Variants in SEMA6D observed in about 807,000 individuals in gnomAD.
SEMA6D encodes the protein semaphorin-6D.
Under a neutral mutation model 106.6 loss-of-function variants are expected in SEMA6D, and 35 were observed. The observed-to-expected ratio is 0.33, with a 90% CI of 0.25 to 0.44. The LOEUF (loss-of-function observed/expected upper bound fraction) is 0.44. Ranked by LOEUF, SEMA6D falls within the 20% of genes least tolerant of loss-of-function variation. The pLI, the probability that SEMA6D is intolerant of heterozygous loss-of-function variation, is 1.00. For synonymous variants in SEMA6D, 499 were observed against 487.7 expected, an observed-to-expected ratio of 1.02 and a Z score of -0.31; for missense variants, 1,185 against 1,345.9, an observed-to-expected ratio of 0.88 and a Z score of 1.87.
intron 1 of SEMA6D, among the ~76,000 whole-genome samples, chr15:47,289,393 C>CA (rs746946975): frequency 0.089 from 4,048 of 45,582 alleles, 323 homozygotes; most frequent in East Asian, 0.52. Context: ...AACTCCATCT[C>CA]AAAAAAAAAA....
chr15:47,688,965 G>A (rs561161345), intron 4 of SEMA6D, among the ~76,000 whole-genome samples: 1 of 152,320 alleles, frequency 6.6e-6, no homozygotes, highest in East Asian at 1.9e-4. Flanking sequence ...CAAAGACAGT[G>A]TAAACCAATT....
intron 1 of SEMA6D, among the ~76,000 whole-genome samples, chr15:47,749,601 G>T (rs1019590443): frequency 6.6e-6 from 1 of 152,172 alleles, no homozygotes; most frequent in African/African-American, 2.4e-5. Flanking sequence ...CCTATGCTCC[G>T]CAGGAAATTC....
intron 3 of SEMA6D, among the ~76,000 whole-genome samples, chr15:47,568,491 A>G (rs996295488): frequency 6.6e-6 from 1 of 152,198 alleles, no homozygotes; most frequent in African/African-American, 2.4e-5. Flanking sequence ...ACCTGGGCCC[A>G]TTACATTACA....
intron 3 of SEMA6D, among the ~76,000 whole-genome samples, chr15:47,472,642 A>T (rs1299033359): frequency 1.3e-5 from 2 of 152,180 alleles, no homozygotes; most frequent in African/African-American, 4.8e-5. Flanking sequence ...GCTTTAGAAG[A>T]AATCAATAAC....
intron 1 of SEMA6D, among the ~76,000 whole-genome samples, chr15:47,205,662 G>A (rs1895009851): frequency 6.6e-6 from 1 of 152,052 alleles, no homozygotes; most frequent in Admixed American, 6.6e-5. Flanking sequence ...CCTTTAGAAA[G>A]CCACAGATAT....
At position 47,771,003 on chromosome 15, in the gene SEMA6D, C is replaced by T; in HGVS notation, c.2440C>T (p.Pro814Ser). Residue 814 changes from proline (P) to serine (S), a missense_variant, in exon 19 of 19, where the codon CCA (proline) becomes TCA (serine). By Grantham distance (74) the Pro-to-Ser change is moderately conservative. Transcript: ENST00000536845. ...ETPQFFPSSPPPHSPLSHGHI... is the reference protein window; with the variant it reads ...ETPQFFPSSPSPHSPLSHGHI... Reference sequence around the variant, plus strand: ...CCCTCAGTTTTTTCCGTCTAGTCCGCCACCTCATTCCCCATTAAGTCATGG... The same window carrying T: ...CCCTCAGTTTTTTCCGTCTAGTCCGTCACCTCATTCCCCATTAAGTCATGG... The T allele has an allele frequency of 6.2e-7, 1 of 1,614,118 alleles. No individual in the cohort carries two copies. Among genetic ancestry groups the T allele is most frequent in the Non-Finnish European group, 8.5e-7 (1 of 1,180,002 alleles).
chr15:47,603,729 C>G (rs1401027334), intron 4 of SEMA6D, among the ~76,000 whole-genome samples: 1 of 151,968 alleles, frequency 6.6e-6, no homozygotes, highest in Non-Finnish European at 1.5e-5. Context: ...TCCCCCTCGC[C>G]CCGATTATTT....
chr15:47,646,675 C>T (rs1415333265), intron 4 of SEMA6D, among the ~76,000 whole-genome samples: 1 of 152,056 alleles, frequency 6.6e-6, no homozygotes, highest in East Asian at 1.9e-4. Flanking sequence ...TTCACTTTCT[C>T]GGAATATGAT....
At chr15:47,218,620 T>C (rs1458626387) in intron 1 of SEMA6D, among the ~76,000 whole-genome samples, 3 of 152,210 alleles carry the variant, frequency 2.0e-5, no homozygotes, top group Non-Finnish European at 2.9e-5. Context: ...GTGATTGAGC[T>C]CTTGATAAAA....
At chr15:47,411,769 T>G (rs1482144514) in intron 1 of SEMA6D, among the ~76,000 whole-genome samples, 1 of 152,190 alleles carries the variant, frequency 6.6e-6, no homozygotes, top group Non-Finnish European at 1.5e-5. Context: ...CTTCTGTGTC[T>G]GTGTGGCCAC....
intron 1 of SEMA6D, among the ~76,000 whole-genome samples, chr15:47,301,822 T>G (rs1566983151): frequency 6.6e-6 from 1 of 152,162 alleles, no homozygotes; most frequent in East Asian, 1.9e-4. Context: ...TTTGGGTGGA[T>G]TTAATTTGCA....
At chr15:47,623,654 GAC>G (rs1400684300) in intron 4 of SEMA6D, among the ~76,000 whole-genome samples, 1 of 152,156 alleles carries the variant, frequency 6.6e-6, no homozygotes, top group Non-Finnish European at 1.5e-5. Flanking sequence ...TGGTAGCCAT[GAC>G]AGACATGGGA....
intron 4 of SEMA6D, chr15:47,603,524 C>T (rs1339426594): frequency 6.6e-6 from 1 of 152,102 alleles, no homozygotes; most frequent in Non-Finnish European, 1.5e-5. Context: ...CTCAACAAGT[C>T]GCCAAAGCTA....
intron 3 of SEMA6D, among the ~76,000 whole-genome samples, chr15:47,471,676 C>A (rs933677055): frequency 6.6e-6 from 1 of 152,028 alleles, no homozygotes; most frequent in Non-Finnish European, 1.5e-5. Context: ...AGCCCATATT[C>A]CTTGGTATTT....
intron 3 of SEMA6D, among the ~76,000 whole-genome samples, chr15:47,596,631 A>G (rs1235270009): frequency 2.0e-5 from 3 of 152,152 alleles, no homozygotes; most frequent in African/African-American, 7.2e-5. Flanking sequence ...GAACTCACAC[A>G]TCAATGGTCT....
At chr15:47,688,824 A>C (rs1429569997) in intron 4 of SEMA6D, among the ~76,000 whole-genome samples, 1 of 152,188 alleles carries the variant, frequency 6.6e-6, no homozygotes, top group Non-Finnish European at 1.5e-5. Context: ...GAGTTTCTAC[A>C]CACATTACCA....
intron 3 of SEMA6D, among the ~76,000 whole-genome samples, chr15:47,494,770 AT>A (rs2043591722): frequency 4.2e-5 from 4 of 95,540 alleles, no homozygotes; most frequent in African/African-American, 1.9e-4. Flanking sequence ...ATATATATAT[AT>A]ATATATATAT....
At chr15:47,479,306 G>C (rs1275573068) in intron 3 of SEMA6D, among the ~76,000 whole-genome samples, 1 of 152,060 alleles carries the variant, frequency 6.6e-6, no homozygotes, top group African/African-American at 2.4e-5. Context: ...TTGGGTAGGA[G>C]CCTCCCTAAT....
chr15:47,504,571 A>G (rs2043972704), intron 3 of SEMA6D, among the ~76,000 whole-genome samples: 1 of 152,208 alleles, frequency 6.6e-6, no homozygotes, highest in African/African-American at 2.4e-5. Context: ...AGGGAATTAC[A>G]GTCGTCAGAC....
Sources: allele counts gnomAD v4.1 joint callset (sites outside exome capture counted in the v4.1 genomes callset), GRCh38; gene constraint gnomAD v4.1.1; transcripts MANE v1.5; gene names NCBI Gene and HGNC (gene_info 2026-07-23, HGNC 2026-07-21).